The following PLPP7 variants were observed in gnomAD, a reference collection of about 807,000 sequenced individuals.
PLPP7 encodes inactive phospholipid phosphatase 7.
Under a neutral mutation model 16.9 loss-of-function variants are expected in PLPP7, and 11 were observed. The ratio of observed to expected loss-of-function variants is 0.65; its 90% confidence interval spans 0.41 to 1.08. PLPP7 has a LOEUF of 1.08. Ranked by LOEUF, PLPP7 falls within the 50% of genes least tolerant of loss-of-function variation. The pLI is 0.00. For missense variants in PLPP7, 358 were observed against 397.1 expected, an observed-to-expected ratio of 0.90 and a Z score of 0.84; for synonymous variants, 174 against 175.1, an observed-to-expected ratio of 0.99 and a Z score of 0.05.
chr9:131,304,290 G>A (rs1260412949), intron 1 of PLPP7, among the ~76,000 whole-genome samples: 1 of 152,224 alleles, frequency 6.6e-6, no homozygotes, highest in Non-Finnish European at 1.5e-5. Flanking sequence ...ACACAGCAGG[G>A]TGTGGCAGAG....
chr9:131,298,865 C>T lies in PLPP7; in HGVS notation c.451+8417C>T, dbSNP rs75061854. 4.5e-3 allele frequency among the ~76,000 whole-genome samples: 683 copies of T among 152,300 alleles called. 20 individuals are homozygous for T. The highest frequency in any genetic ancestry group is 0.032 in the East Asian group (168 of 5,186). On this transcript the variant is annotated intron_variant, in intron 1 of 1. Coordinates refer to ENST00000372264, the MANE Select transcript of PLPP7 (RefSeq NM_032728.4). The stretch of plus-strand genomic sequence containing the variant: ...TGGGTTCTTGTTGCCCTCTGAGGGC[C>T]GGGAAGCCTCCAGGACAGCAGGGCC...
chr9:131,308,009 G>A lies in PLPP7; in HGVS notation c.538G>A (p.Asp180Asn). The stretch of plus-strand genomic sequence containing the variant: ...GTACGAGACGAGCCCCAGCCTCCTG[G>A]ACTACCTCACCATGGACATCTACGC... Reference protein sequence around the residue: ...GPYETSPSLLDYLTMDIYAFP... With the variant: ...GPYETSPSLLNYLTMDIYAFP... The change falls in exon 2 of 2, where the codon GAC becomes AAC. Residue 180 changes from aspartate (D) to asparagine (N), a missense_variant. Asp to Asn is a conservative substitution (Grantham distance 23, BLOSUM62 1). Transcript: ENST00000372264. 1.9e-6 allele frequency: 3 copies of A among 1,600,952 alleles called. No individual in the cohort carries two copies. Among genetic ancestry groups the A allele is most frequent in the South Asian group, 1.1e-5 (1 of 91,076 alleles).
At chr9:131,292,910 C>T (rs932668616) in intron 1 of PLPP7, 2 of 985,312 alleles carry the variant, frequency 2.0e-6, no homozygotes, top group African/African-American at 3.5e-5. Context: ...AGCTGTTTGC[C>T]CCACAGGATA....
intron 1 of PLPP7, among the ~76,000 whole-genome samples, chr9:131,305,324 A>C (rs1325982271): frequency 6.6e-6 from 1 of 152,048 alleles, no homozygotes; most frequent in Admixed American, 6.6e-5. Context: ...CTGAGGTAGG[A>C]AGATAGCTTG....
chr9:131,303,069 C>T (rs933730074), intron 1 of PLPP7, among the ~76,000 whole-genome samples: 6 of 152,184 alleles, frequency 3.9e-5, no homozygotes, highest in Admixed American at 3.3e-4. Context: ...CGGTGGCTCA[C>T]GCCTGTAATC....
At position 131,289,875 on chromosome 9, in the gene PLPP7, C is replaced by G. The variant is rs1835642332; in HGVS notation, c.-123C>G. Reference sequence around the variant, plus strand: ...GTGCAACTCTCCACACTATATTTAACAGCTGCGGCGGAGAAGGCAGGGAGG... The same window carrying G: ...GTGCAACTCTCCACACTATATTTAAGAGCTGCGGCGGAGAAGGCAGGGAGG... On this transcript the variant is annotated 5_prime_UTR_variant, in exon 1 of 2. Coordinates refer to ENST00000372264, the MANE Select transcript of PLPP7 (RefSeq NM_032728.4). 1 of 734,920 alleles carries G rather than the reference C, an allele frequency of 1.4e-6. No homozygotes were observed. The highest frequency in any genetic ancestry group is 3.9e-5 in the Admixed American group (1 of 25,440). 45.5% of individuals were successfully genotyped at this position (734,920 alleles called of 1,614,324 possible).
At chr9:131,301,843 GT>G (rs1486577217) in intron 1 of PLPP7, among the ~76,000 whole-genome samples, 1 of 139,080 alleles carries the variant, frequency 7.2e-6, no homozygotes, top group African/African-American at 2.7e-5. Flanking sequence ...TTGAGACGGA[GT>G]CTCGCCCTGT....
chr9:131,289,750 G>C lies in PLPP7; in HGVS notation c.-248G>C. On this transcript the variant is annotated 5_prime_UTR_variant, in exon 1 of 2. Transcript: ENST00000372264. ...AGCTGTGGACTCCTCACCTCCCGGA[G>C]GCTCTGCTGGTGCAGGCCCCGCATT... 2 of 395,164 alleles carry C rather than the reference G, an allele frequency of 5.1e-6. No homozygotes were observed. The highest frequency in any genetic ancestry group is 8.9e-6 in the Non-Finnish European group (2 of 224,448). 24.5% of individuals were successfully genotyped at this position (395,164 alleles called of 1,614,324 possible).
chr9:131,294,229 T>C (rs2483469), intron 1 of PLPP7, among the ~76,000 whole-genome samples: 76,040 of 152,012 alleles, frequency 0.5, 19,048 homozygotes, highest in African/African-American at 0.54. Flanking sequence ...ATCCCAGCCC[T>C]GCTGTGGGAA....
Position 131,308,517 on chromosome 9 carries a change from C to A in PLPP7, c.*230C>A. ...TTGCCCCTTTGCTTGGACTCCAAGT[C>A]TCCTCTCTAGGCAGCCAGGACCCAC... On this transcript the variant is annotated 3_prime_UTR_variant, in exon 2 of 2. Transcript: ENST00000372264. 2.8e-6 allele frequency: 2 copies of A among 711,574 alleles called. No homozygotes were observed. The highest frequency in any genetic ancestry group is 4.5e-6 in the Non-Finnish European group (2 of 445,118). The allele number at this position is 711,574 out of a possible 1,614,324, so 44.1% of individuals were successfully genotyped here. A position where few individuals can be genotyped will look rare whatever the true frequency, so the allele number is the denominator to read the frequency against.
chr9:131,306,836 T>A (rs1264341917), intron 1 of PLPP7, among the ~76,000 whole-genome samples: 2 of 152,186 alleles, frequency 1.3e-5, no homozygotes, highest in Non-Finnish European at 2.9e-5. Flanking sequence ...TGAAATGTTT[T>A]GAAATTAGAG....
intron 1 of PLPP7, among the ~76,000 whole-genome samples, chr9:131,304,399 C>T (rs915411197): frequency 3.9e-5 from 6 of 152,124 alleles, no homozygotes; most frequent in African/African-American, 2.4e-5. Context: ...TTTTGGGAGG[C>T]GGAGGTGGGC....
rs935090894 is a variant in PLPP7 at position 131,308,180 on chromosome 9, G to A, written c.709G>A (p.Val237Ile). 6.2e-6 allele frequency: 10 copies of A among 1,600,046 alleles called. No individual in the cohort carries two copies. The highest frequency in any genetic ancestry group is 8.5e-6 in the Non-Finnish European group (10 of 1,179,836). Residue 237 changes from valine to isoleucine, a missense_variant, in exon 2 of 2, where the codon GTC becomes ATC. Val to Ile is a conservative substitution (Grantham distance 29). Transcript: ENST00000372264. ...LSRVMIGRHH[V>I]TDVLSGFVIG... ...CCGCGTGATGATCGGCCGCCACCAC[G>A]TCACGGACGTCCTCTCCGGCTTTGT...
chr9:131,294,327 G>A (rs1835712594), intron 1 of PLPP7, among the ~76,000 whole-genome samples: 1 of 152,236 alleles, frequency 6.6e-6, no homozygotes, highest in Non-Finnish European at 1.5e-5. Flanking sequence ...AATCACACAT[G>A]AAGTGCTTGG....
rs116812624 is a variant in PLPP7, at chr9:131,295,736, A to C, written c.451+5288A>C. On this transcript the variant is annotated intron_variant, in intron 1 of 1. Coordinates refer to ENST00000372264, the MANE Select transcript of PLPP7 (RefSeq NM_032728.4). The surrounding 1 kb of genome is among the most constrained non-coding windows in gnomAD (Gnocchi z 4.0). ...GGATTTGACTGTTCTAGGGACCTCA[A>C]GTAAGTGGAATCGTACTGTATTTGT... Among the ~76,000 whole-genome samples the C allele has an allele frequency of 9.2e-3, 1,404 of 152,254 alleles. 25 individuals are homozygous for C. The highest frequency in any genetic ancestry group is 0.032 in the African/African-American group (1,324 of 41,544).
Position 131,308,298 on chromosome 9 carries a change from G to A in PLPP7, c.*11G>A, listed in dbSNP as rs753058712. 37 of 1,576,410 alleles carry A rather than the reference G, an allele frequency of 2.3e-5. No homozygotes were observed. Among genetic ancestry groups the A allele is most frequent in the Admixed American group, 7.0e-5 (4 of 57,284 alleles). ...ATCTCTGCCTGGTGAAGCGCCCGCC[G>A]GCCCACACAAGCCTCTGGGGGCAGG... On this transcript the variant is annotated 3_prime_UTR_variant, in exon 2 of 2. Coordinates refer to ENST00000372264, the MANE Select transcript of PLPP7 (RefSeq NM_032728.4).
intron 1 of PLPP7, among the ~76,000 whole-genome samples, chr9:131,304,621 TGA>T (rs1835833802): frequency 6.6e-6 from 1 of 151,666 alleles, no homozygotes; most frequent in African/African-American, 2.4e-5. Flanking sequence ...GGTGACAGAG[TGA>T]GACTCTGTCT....
chr9:131,292,889 C>T (rs1588207278), intron 1 of PLPP7: 2 of 985,370 alleles, frequency 2.0e-6, no homozygotes, highest in African/African-American at 1.7e-5. Context: ...AGCCAGCTGC[C>T]ATGGGCACAA....
chr9:131,292,287 GTC>G (rs945424159), intron 1 of PLPP7, among the ~76,000 whole-genome samples: 8 of 152,208 alleles, frequency 5.3e-5, no homozygotes, highest in African/African-American at 1.9e-4. Context: ...ACTCCAGTCT[GTC>G]TCTCAACCCT....
Sources: allele counts gnomAD v4.1 joint callset (sites outside exome capture counted in the v4.1 genomes callset), GRCh38; gene constraint gnomAD v4.1.1; non-coding constraint Gnocchi (gnomAD v3.1); transcripts MANE v1.5; gene names NCBI Gene and HGNC (gene_info 2026-07-23, HGNC 2026-07-21).